Variants in GALNTL6 observed in about 807,000 individuals in gnomAD.
The protein encoded by GALNTL6 is polypeptide N-acetylgalactosaminyltransferase-like 6.
In GALNTL6, 46 loss-of-function variants were observed where a neutral mutation model predicts 73.7. That is an observed-to-expected ratio of 0.62 (90% CI 0.49 to 0.80). The LOEUF is 0.80. Ranked by LOEUF, GALNTL6 falls within the 30% of genes least tolerant of loss-of-function variation. The pLI is 0.00. For synonymous variants in GALNTL6, 259 were observed against 263.7 expected (o/e 0.98, Z 0.17); for missense variants, 604 against 755.0 (o/e 0.80, Z 2.34).
intron 5 of GALNTL6, among the ~76,000 whole-genome samples, chr4:172,450,924 T>G (rs1732185687): frequency 6.6e-6 from 1 of 152,232 alleles, no homozygotes; most frequent in African/African-American, 2.4e-5. Flanking sequence ...ATTATTAGTC[T>G]CTGTAATTCC....
chr4:172,790,876 G>T lies in GALNTL6; in HGVS notation c.554-18485G>T, dbSNP rs549845927. On this transcript the variant is annotated intron_variant, in intron 5 of 12. Transcript: ENST00000506823. ...ATCACACTACTGCACTCCAGCCTGG[G>T]CTACAGAGTGAGACTCCATCAAAAA... is the stretch of plus-strand genomic sequence containing the variant. Among the ~76,000 whole-genome samples, 4 of 142,520 alleles carry T rather than the reference G, an allele frequency of 2.8e-5. No homozygotes were observed. In the Admixed American group the frequency reaches 2.9e-4, roughly 11 times the overall value. The allele number at this position is 142,520 out of a possible 152,430, so 93.5% of individuals were successfully genotyped here. A position where few individuals can be genotyped will look rare whatever the true frequency, so the allele number is the denominator to read the frequency against.
In GALNTL6 at chr4:172,297,759, G is replaced by T. The variant is rs563756936; in HGVS notation, c.248-13855G>T. 2.0e-5 allele frequency among the ~76,000 whole-genome samples: 3 copies of T among 152,248 alleles called. No individual in the cohort carries two copies. The East Asian group carries it at 5.8e-4, about 29-fold the overall frequency. ...ATGATGTTTTGGTTACTGTTGCCTT[G>T]TAGTATAGTTTGAAGTCAGGTGGCA... On this transcript the variant is annotated intron_variant, in intron 3 of 12. Coordinates refer to ENST00000506823, the MANE Select transcript of GALNTL6 (RefSeq NM_001034845.3).
At chr4:172,237,368 T>A (rs1345370096) in intron 3 of GALNTL6, among the ~76,000 whole-genome samples, 2 of 150,944 alleles carry the variant, frequency 1.3e-5, no homozygotes, top group African/African-American at 5.0e-5. Context: ...ATGTTGAACA[T>A]TTTTTTCATT....
intron 9 of GALNTL6, among the ~76,000 whole-genome samples, chr4:172,937,076 G>A (rs115734161): frequency 6.6e-6 from 1 of 151,940 alleles, no homozygotes; most frequent in Non-Finnish European, 1.5e-5. Context: ...TACGGAGGGT[G>A]TGCGTAGGAC....
chr4:172,272,427 C>A (rs1159645693), intron 3 of GALNTL6, among the ~76,000 whole-genome samples: 1 of 152,182 alleles, frequency 6.6e-6, no homozygotes, highest in African/African-American at 2.4e-5. Context: ...CTAGGCCATA[C>A]AATATACCTA....
At chr4:171,988,844 G>A (rs1278733529) in intron 2 of GALNTL6, among the ~76,000 whole-genome samples, 1 of 152,110 alleles carries the variant, frequency 6.6e-6, no homozygotes, top group Non-Finnish European at 1.5e-5. Flanking sequence ...CGGTCGCTAA[G>A]GAGGGAGTAG....
At chr4:172,853,533 C>G (rs547692295) in intron 7 of GALNTL6, among the ~76,000 whole-genome samples, 2 of 152,156 alleles carry the variant, frequency 1.3e-5, no homozygotes, top group Non-Finnish European at 2.9e-5. Context: ...CCCAGGCTTT[C>G]GTACTGATTC....
At chr4:172,767,667 C>CTTTTTTTT (rs1553986523) in intron 5 of GALNTL6, among the ~76,000 whole-genome samples, 2 of 118,098 alleles carry the variant, frequency 1.7e-5, no homozygotes, top group Non-Finnish European at 1.7e-5. Context: ...GATTTTTTTT[C>CTTTTTTTT]TTTTTTTTTT....
chr4:172,758,443 G>C (rs984799591), intron 5 of GALNTL6, among the ~76,000 whole-genome samples: 3 of 152,154 alleles, frequency 2.0e-5, no homozygotes, highest in Admixed American at 2.0e-4. Context: ...GGCTGAGGCA[G>C]GAGAATTGCT....
intron 2 of GALNTL6, among the ~76,000 whole-genome samples, chr4:171,955,548 T>C (rs964909677): frequency 1.3e-5 from 2 of 152,092 alleles, no homozygotes; most frequent in Non-Finnish European, 2.9e-5. Flanking sequence ...CATCTTCCTG[T>C]ATACTTTAAA....
chr4:172,757,368 T>A (rs981055564), intron 5 of GALNTL6, among the ~76,000 whole-genome samples: 2 of 152,216 alleles, frequency 1.3e-5, no homozygotes, highest in African/African-American at 4.8e-5. Context: ...CAGAAATTAA[T>A]GTACTATGGT....
intron 5 of GALNTL6, among the ~76,000 whole-genome samples, chr4:172,774,023 T>C (rs1178537063): frequency 2.6e-5 from 4 of 152,218 alleles, no homozygotes; most frequent in Admixed American, 2.6e-4. Context: ...CCTTTGTATG[T>C]AAAAATATTG....
chr4:172,949,101 C>A (rs970692014), intron 9 of GALNTL6, among the ~76,000 whole-genome samples: 1 of 152,144 alleles, frequency 6.6e-6, no homozygotes, highest in African/African-American at 2.4e-5. Flanking sequence ...TTCAATTGTT[C>A]CCATTTCAGT....
At chr4:172,734,293 A>T (rs189863475) in intron 5 of GALNTL6, among the ~76,000 whole-genome samples, 1 of 152,292 alleles carries the variant, frequency 6.6e-6, no homozygotes, top group East Asian at 1.9e-4. Flanking sequence ...CTGGGGAGCA[A>T]TTCAAGTCAG....
At chr4:171,890,645 T>G (rs2110925841) in intron 2 of GALNTL6, among the ~76,000 whole-genome samples, 1 of 152,294 alleles carries the variant, frequency 6.6e-6, no homozygotes, top group South Asian at 2.1e-4. Flanking sequence ...TAATTTTCTT[T>G]GGCAATAAGC....
chr4:172,586,535 T>C (rs1579214937), intron 5 of GALNTL6, among the ~76,000 whole-genome samples: 1 of 150,278 alleles, frequency 6.7e-6, no homozygotes, highest in Admixed American at 6.6e-5. Context: ...TCAGAATTGC[T>C]AAGAAAATAT....
chr4:172,314,580 C>T (rs1740475780), intron 4 of GALNTL6, among the ~76,000 whole-genome samples: 1 of 141,194 alleles, frequency 7.1e-6, no homozygotes, highest in Non-Finnish European at 1.5e-5. Context: ...CAATGTATTT[C>T]AGAAATCCTA....
chr4:172,869,336 T>C (rs757391282), intron 7 of GALNTL6, among the ~76,000 whole-genome samples: 2 of 152,202 alleles, frequency 1.3e-5, no homozygotes, highest in Non-Finnish European at 2.9e-5. Context: ...GGTGGAGTTG[T>C]CTGAAAGCAC....
At chr4:172,141,670 C>A (rs1015860177) in intron 2 of GALNTL6, among the ~76,000 whole-genome samples, 13 of 151,680 alleles carry the variant, frequency 8.6e-5, no homozygotes, top group African/African-American at 3.1e-4. Flanking sequence ...AAGAGGATGG[C>A]AGAATTGAAG....
Sources: gnomAD v4.1 joint callset for allele counts (sites outside exome capture counted in the v4.1 genomes callset) on GRCh38, gnomAD v4.1.1 for gene constraint, MANE v1.5 for transcripts, NCBI Gene and HGNC (gene_info 2026-07-23, HGNC 2026-07-21) for gene names.